PPP1R12A: variants seen among roughly 807,000 people sequenced by gnomAD.
PPP1R12A encodes the protein protein phosphatase 1 regulatory subunit 12A.
Under a neutral mutation model 139.6 loss-of-function variants are expected in PPP1R12A, and 19 were observed. The ratio of observed to expected loss-of-function variants is 0.14; its 90% CI spans 0.09 to 0.20. The LOEUF (loss-of-function observed/expected upper bound fraction) is 0.20, where lower values mean the gene tolerates loss of function less well. Among genes scored for constraint, PPP1R12A ranks in the 10% least tolerant of loss-of-function variants. The pLI is 1.00. For synonymous variants in PPP1R12A, 427 were observed against 420.6 expected (o/e 1.02, Z -0.19); for missense variants, 925 against 1,211.5 (o/e 0.76, Z 3.51).
At chr12:79,898,236 G>T (rs1444484389) in intron 1 of PPP1R12A, among the ~76,000 whole-genome samples, 1 of 152,182 alleles carries the variant, frequency 6.6e-6, no homozygotes, top group Non-Finnish European at 1.5e-5. Context: ...GACTGCCTGA[G>T]CTCAGGAGTT....
intron 14 of PPP1R12A, among the ~76,000 whole-genome samples, chr12:79,801,019 C>G (rs1873069747): frequency 6.6e-6 from 1 of 151,616 alleles, no homozygotes; most frequent in African/African-American, 2.4e-5. Context: ...AGGCATGAGC[C>G]ACTGTGCCCA....
At chr12:79,857,126 T>C (rs1040269480) in intron 2 of PPP1R12A, among the ~76,000 whole-genome samples, 12 of 152,174 alleles carry the variant, frequency 7.9e-5, no homozygotes, top group Admixed American at 5.2e-4. Flanking sequence ...TAAAGACACA[T>C]GCACACGTAT....
At chr12:79,870,881 C>A (rs556545561) in intron 2 of PPP1R12A, among the ~76,000 whole-genome samples, 146 of 152,288 alleles carry the variant, frequency 9.6e-4, no homozygotes, top group Non-Finnish European at 1.9e-3. Flanking sequence ...CAAGACCAGG[C>A]CAAAAGAAGT....
intron 4 of PPP1R12A, among the ~76,000 whole-genome samples, chr12:79,829,918 C>G (rs10746144): frequency 0.91 from 139,023 of 152,136 alleles, 63,818 homozygotes; most frequent in Middle Eastern, 0.95. Context: ...AACTCTCAAG[C>G]ATAGGTTCTA....
At chr12:79,837,970 T>A (rs1342901136) in intron 3 of PPP1R12A, among the ~76,000 whole-genome samples, 1 of 152,130 alleles carries the variant, frequency 6.6e-6, no homozygotes, top group Non-Finnish European at 1.5e-5. Flanking sequence ...GTTGTAAAGA[T>A]ACCCAAAAAA....
Position 79,821,132 on chromosome 12 carries a change from A to C in PPP1R12A, c.902T>G (p.Leu301Arg). The change falls in exon 7 of 25, where the codon CTA (leucine) becomes CGA (arginine). Residue 301 changes from leucine (L) to arginine (R), a missense_variant. Around this residue, in one of 4 missense-constraint regions of PPP1R12A, gnomAD observed 403 missense variants for 463.7 expected, o/e 0.87. Transcript: ENST00000450142. ...HSEKRDKKSP[L>R]IESTANMDNN... ...GTCCATATTTGCTGTTGATTCAATT[A>C]GTGGAGATTTCTTGTCCCGTTTTTC... 6.2e-7 allele frequency: 1 copy of C among 1,613,274 alleles called. No individual in the cohort carries two copies. Among genetic ancestry groups the C allele is most frequent in the Non-Finnish European group, 8.5e-7 (1 of 1,179,414 alleles).
At chr12:79,849,196 CA>C (rs1274487134) in intron 2 of PPP1R12A, among the ~76,000 whole-genome samples, 1 of 151,932 alleles carries the variant, frequency 6.6e-6, no homozygotes, top group East Asian at 1.9e-4. Context: ...CCAGCCTGGC[CA>C]ACATAGCAAA....
At chr12:79,827,092 T>C (rs1053190925) in intron 5 of PPP1R12A, among the ~76,000 whole-genome samples, 1 of 152,220 alleles carries the variant, frequency 6.6e-6, no homozygotes, top group Non-Finnish European at 1.5e-5. Flanking sequence ...TTTACTTGAA[T>C]AGTATCAATA....
intron 22 of PPP1R12A, among the ~76,000 whole-genome samples, chr12:79,783,295 C>CAAAAAA (rs5799441): frequency 6.0e-5 from 7 of 117,084 alleles, no homozygotes; most frequent in African/African-American, 2.4e-4. Flanking sequence ...CCGTCTCTAC[C>CAAAAAA]AAAAAAAAAA....
chr12:79,812,391 C>CGTGTGTGCGTGTGTGTGT (rs1555202886), intron 9 of PPP1R12A, among the ~76,000 whole-genome samples: 2 of 134,610 alleles, frequency 1.5e-5, no homozygotes, highest in South Asian at 2.6e-4. Context: ...TCTGTGTGTG[C>CGTGTGTGCGTGTGTGTGT]GTGTGTGTGT....
chr12:79,789,783 T>C (rs1256659864), intron 20 of PPP1R12A: 4 of 375,604 alleles, frequency 1.1e-5, no homozygotes, highest in Non-Finnish European at 2.0e-5. Flanking sequence ...TGACACTTTT[T>C]TTTTTTTTTT....
intron 2 of PPP1R12A, among the ~76,000 whole-genome samples, chr12:79,845,716 G>T (rs1053597265): frequency 2.0e-5 from 3 of 151,880 alleles, no homozygotes; most frequent in Non-Finnish European, 4.4e-5. Flanking sequence ...GGCGCCTGTA[G>T]TCCCAGCTAC....
chr12:79,870,177 C>G lies in PPP1R12A; in HGVS notation c.368+2631G>C, dbSNP rs11833723. On this transcript the variant is annotated intron_variant, in intron 2 of 24. Coordinates refer to ENST00000450142, the MANE Select transcript of PPP1R12A (RefSeq NM_002480.3). ...GCAATGGTGCTATCTCAGCTCACTG[C>G]AACCTCTGCCTCCCAGGCTCAAGCA... Among the ~76,000 whole-genome samples, 1,484 of 152,226 alleles carry G rather than the reference C, an allele frequency of 9.7e-3. 32 individuals are homozygous for G. Among genetic ancestry groups the G allele is most frequent in the African/African-American group, 0.034 (1,429 of 41,516 alleles).
intron 1 of PPP1R12A, among the ~76,000 whole-genome samples, chr12:79,929,334 A>T (rs1888080679): frequency 6.6e-6 from 1 of 152,146 alleles, no homozygotes; most frequent in South Asian, 2.1e-4. Flanking sequence ...AGCGTTTGTG[A>T]ACCCCCGCTC....
intron 2 of PPP1R12A, among the ~76,000 whole-genome samples, 172 bp downstream of exon 2, chr12:79,872,636 T>C (rs1245320236): frequency 6.6e-6 from 1 of 152,196 alleles, no homozygotes; most frequent in Non-Finnish European, 1.5e-5. Context: ...AAAGAAGATC[T>C]GATTCTGAGA....
At chr12:79,869,053 C>T (rs1882288866) in intron 2 of PPP1R12A, among the ~76,000 whole-genome samples, 1 of 152,186 alleles carries the variant, frequency 6.6e-6, no homozygotes, top group African/African-American at 2.4e-5. Context: ...TTTATTTGTC[C>T]TCCATTCCAT....
chr12:79,784,633 A>C (rs1347105760), intron 22 of PPP1R12A, among the ~76,000 whole-genome samples: 1 of 151,892 alleles, frequency 6.6e-6, no homozygotes, highest in Non-Finnish European at 1.5e-5. Flanking sequence ...GGAGCAGTGG[A>C]TATTTATTTA....
chr12:79,931,489 A>G (rs1350689088), intron 1 of PPP1R12A, among the ~76,000 whole-genome samples: 11 of 152,196 alleles, frequency 7.2e-5, no homozygotes. Flanking sequence ...TCAACAGGCT[A>G]AACTCAAAAC....
intron 1 of PPP1R12A, among the ~76,000 whole-genome samples, chr12:79,908,806 A>G (rs1030606403): frequency 2.0e-5 from 3 of 152,194 alleles, no homozygotes; most frequent in Non-Finnish European, 4.4e-5. Flanking sequence ...TGATTAAATA[A>G]CCATATGCCT....
Sources: allele counts gnomAD v4.1 joint callset (sites outside exome capture counted in the v4.1 genomes callset), GRCh38; gene constraint gnomAD v4.1.1; regional missense constraint gnomAD v4.1.1; transcripts MANE v1.5; gene names NCBI Gene and HGNC (gene_info 2026-07-23, HGNC 2026-07-21).